LONP2: variants seen among roughly 807,000 people sequenced by gnomAD.
The protein encoded by LONP2 is lon protease homolog 2, peroxisomal.
Under a neutral mutation model 85.6 loss-of-function variants are expected in LONP2, and 60 were observed. The ratio of observed to expected loss-of-function variants is 0.70; its 90% confidence interval spans 0.57 to 0.87. The LOEUF is 0.87. Ranked by LOEUF, LONP2 falls within the 40% of genes least tolerant of loss-of-function variation. LONP2 has a pLI of 0.00. For missense variants in LONP2, 860 were observed against 1,063.5 expected (o/e 0.81, Z 2.66); for synonymous variants, 395 against 389.7 (o/e 1.01, Z -0.16).
intron 11 of LONP2, among the ~76,000 whole-genome samples, chr16:48,332,627 C>G (rs896854857): frequency 1.3e-5 from 2 of 152,032 alleles, no homozygotes; most frequent in African/African-American, 4.8e-5. Flanking sequence ...AGGAGAATCG[C>G]TTGAACCCAG....
chr16:48,299,755 T>C lies in LONP2; in HGVS notation c.1628T>C (p.Ile543Thr). 3 of 1,614,010 alleles carry C rather than the reference T, an allele frequency of 1.9e-6. No individual in the cohort carries two copies. The highest frequency in any genetic ancestry group is 2.5e-6 in the Non-Finnish European group (3 of 1,179,946). The change falls in exon 10 of 15, where the codon ATA (isoleucine) becomes ACA (threonine). Residue 543 changes from isoleucine to threonine, a missense_variant. Around this residue, in one of 3 missense-constraint regions of LONP2, gnomAD observed 743 missense variants for 917.3 expected, o/e 0.81. Transcript: ENST00000285737. ...GGGCTGACTCCACAGCAGATTCAGA[T>C]ACCCCAGGTCACCACTCTTGACATC... ...QHGLTPQQIQ[I>T]PQVTTLDIIT...
intron 13 of LONP2, 96 bp from the exon 14 acceptor site, chr16:48,347,979 ACCAATATTTTGAAGAATTCATTTAC>A: frequency 1.1e-6 from 1 of 923,498 alleles, no homozygotes; most frequent in East Asian, 2.6e-5. Flanking sequence ...TGTACTGTCC[ACCAATATTTTGAAGAATTCATTTAC>A]CCAAAACATT....
At chr16:48,324,649 T>G (rs1212574637) in intron 11 of LONP2, among the ~76,000 whole-genome samples, 1 of 152,214 alleles carries the variant, frequency 6.6e-6, no homozygotes, top group Non-Finnish European at 1.5e-5. Context: ...TGATAAAATT[T>G]AAGAATTACA....
chr16:48,360,530 ATTTT>A (rs1003910785), downstream of LONP2: 1 of 152,628 alleles, frequency 6.6e-6, no homozygotes, highest in African/African-American at 2.4e-5. Flanking sequence ...ACACAGTAAG[ATTTT>A]TTTAATTTGC....
chr16:48,252,428 AT>A, intron 2 of LONP2, 63 bp downstream of exon 2: 7 of 1,057,624 alleles, frequency 6.6e-6, no homozygotes, highest in Non-Finnish European at 9.5e-6. Context: ...TTCCTAAGAT[AT>A]GGTGAATCTG....
chr16:48,318,430 G>A (rs1973192372), intron 11 of LONP2, among the ~76,000 whole-genome samples: 2 of 151,988 alleles, frequency 1.3e-5, no homozygotes, highest in Non-Finnish European at 1.5e-5. Flanking sequence ...GAGATGGGAG[G>A]ATCATTTGAA....
chr16:48,348,342 A>G (rs1960034512), intron 14 of LONP2, 52 bp downstream of exon 14: 1 of 1,188,126 alleles, frequency 8.4e-7, no homozygotes, highest in Non-Finnish European at 1.1e-6. Flanking sequence ...ATTTTTGAAA[A>G]TTAATATTAT....
intron 4 of LONP2, among the ~76,000 whole-genome samples, chr16:48,259,715 A>G (rs1008852588): frequency 1.3e-5 from 2 of 152,174 alleles, no homozygotes; most frequent in African/African-American, 4.8e-5. Context: ...GAGAGATAGG[A>G]ACAGTGATGA....
intron 4 of LONP2, 96 bp downstream of exon 4, chr16:48,258,836 G>A (rs1596914283): frequency 8.0e-6 from 9 of 1,119,650 alleles, no homozygotes; most frequent in South Asian, 6.6e-5. Flanking sequence ...CCTACCACTC[G>A]CACTACTGAT....
chr16:48,345,238 A>G (rs1959925313), intron 12 of LONP2: 1 of 152,186 alleles, frequency 6.6e-6, no homozygotes, highest in African/African-American at 2.4e-5. Flanking sequence ...AAAAAACAAA[A>G]ACAAGAAGAA....
rs1334390230 is a variant in LONP2, at chr16:48,323,426, G to A, written c.1796-10790G>A. On this transcript the variant is annotated intron_variant, in intron 11 of 14. Coordinates refer to ENST00000285737, the MANE Select transcript of LONP2 (RefSeq NM_031490.5). ...TCCCAGCACTTTGGGAGGCCAAGGC[G>A]GGTGGATTACTTAAGCTCAGGAGTT... Among the ~76,000 whole-genome samples, 4 of 152,060 alleles carry A rather than the reference G, an allele frequency of 2.6e-5. No homozygotes were observed. The East Asian group carries it at 7.7e-4, about 29-fold the overall frequency.
intron 1 of LONP2, chr16:48,247,589 C>T (rs1461332744): frequency 1.3e-5 from 2 of 152,224 alleles, no homozygotes; most frequent in Non-Finnish European, 2.9e-5. Flanking sequence ...TTGGACTTGT[C>T]CTGCAGTATA....
intron 8 of LONP2, among the ~76,000 whole-genome samples, chr16:48,293,371 T>A (rs1370445074): frequency 6.6e-6 from 1 of 151,560 alleles, no homozygotes; most frequent in Non-Finnish European, 1.5e-5. Flanking sequence ...GAGCTTGCAG[T>A]GAGCCGAGAT....
intron 12 of LONP2, among the ~76,000 whole-genome samples, chr16:48,341,526 A>G (rs192964023): frequency 1.2e-4 from 18 of 152,208 alleles, no homozygotes; most frequent in Non-Finnish European, 1.6e-4. Context: ...GGATGGGGCT[A>G]AACCATTCAT....
At chr16:48,357,522 A>G (rs1960419074), downstream of LONP2, among the ~76,000 whole-genome samples, 2 of 152,240 alleles carry the variant, frequency 1.3e-5, no homozygotes, top group South Asian at 2.1e-4. Flanking sequence ...CCTGCGTGGT[A>G]GTTCACACAC....
intron 8 of LONP2, among the ~76,000 whole-genome samples, chr16:48,294,785 A>T (rs1052267570): frequency 3.3e-5 from 5 of 152,234 alleles, no homozygotes; most frequent in Non-Finnish European, 5.9e-5. Context: ...TAGTTTTGAA[A>T]ATAAGTAAAA....
chr16:48,261,624 A>G (rs377577088), intron 5 of LONP2, 37 bp downstream of exon 5: 8 of 1,452,374 alleles, frequency 5.5e-6, no homozygotes, highest in Admixed American at 4.2e-5. Flanking sequence ...TATTGTTTTC[A>G]TTCTTGGTAC....
chr16:48,277,923 T>C (rs1257397252), intron 8 of LONP2, among the ~76,000 whole-genome samples: 1 of 151,988 alleles, frequency 6.6e-6, no homozygotes, highest in Non-Finnish European at 1.5e-5. Context: ...TGTCATTTTC[T>C]ATAGATGCCC....
intron 1 of LONP2, among the ~76,000 whole-genome samples, chr16:48,247,857 G>T (rs1174139258): frequency 1.3e-5 from 2 of 152,092 alleles, no homozygotes; most frequent in Non-Finnish European, 2.9e-5. Context: ...TGTCAAACTT[G>T]TGAGCTCAAG....
Sources: gnomAD v4.1 joint callset for allele counts (sites outside exome capture counted in the v4.1 genomes callset) on GRCh38, gnomAD v4.1.1 for gene constraint, gnomAD v4.1.1 regional missense constraint, MANE v1.5 for transcripts, NCBI Gene and HGNC (gene_info 2026-07-23, HGNC 2026-07-21) for gene names.